The following ATP2B2 variants were observed in gnomAD, a reference collection of about 807,000 sequenced individuals.
ATP2B2 encodes ATPase plasma membrane Ca2+ transporting 2, also known as plasma membrane calcium-transporting ATPase 2.
Under a neutral mutation model 120.0 loss-of-function variants are expected in ATP2B2, and 15 were observed. The ratio of observed to expected loss-of-function variants is 0.12; its 90% CI spans 0.08 to 0.19. ATP2B2 has a LOEUF of 0.19. Among genes scored for constraint, ATP2B2 ranks in the 10% least tolerant of loss-of-function variants. The pLI, the probability that ATP2B2 is intolerant of heterozygous loss-of-function variation, is 1.00. For synonymous variants in ATP2B2, 694 were observed against 700.3 expected, an observed-to-expected ratio of 0.99 and a Z score of 0.14; for missense variants, 1,045 against 1,719.8, an observed-to-expected ratio of 0.61 and a Z score of 6.94.
At chr3:10,430,722 A>T (rs539447535) in intron 2 of ATP2B2, among the ~76,000 whole-genome samples, 2 of 151,700 alleles carry the variant, frequency 1.3e-5, no homozygotes, top group African/African-American at 4.8e-5. Context: ...CTACTTGGTT[A>T]GAACTTGGAG....
rs1397713889 is a variant in ATP2B2, at chr3:10,666,028, CT to C, written c.-460+41886del. On this transcript the variant is annotated intron_variant, in intron 1 of 21. Transcript: ENST00000646379. The stretch of plus-strand genomic sequence containing the variant: ...AGAGTCAGATACACTTAAGAACTTG[CT>C]TTTGGTTTTAAAAAGTCTGTGGCGC... Among the ~76,000 whole-genome samples the C allele has an allele frequency of 2.0e-5, 3 of 152,132 alleles. No individual in the cohort carries two copies. The East Asian group carries it at 5.8e-4, about 29-fold the overall frequency.
chr3:10,383,349 C>T (rs2061584576), intron 8 of ATP2B2, among the ~76,000 whole-genome samples: 1 of 152,170 alleles, frequency 6.6e-6, no homozygotes, highest in African/African-American at 2.4e-5. Context: ...GACTCTGTAA[C>T]TCTCCGCTAC....
intron 2 of ATP2B2, among the ~76,000 whole-genome samples, chr3:10,447,153 G>C (rs1290737598): frequency 6.6e-6 from 1 of 152,228 alleles, no homozygotes; most frequent in African/African-American, 2.4e-5. Context: ...AGCTGTCTGA[G>C]AGCTCCCCCA....
chr3:10,612,455 C>G (rs1294906157), intron 2 of ATP2B2, among the ~76,000 whole-genome samples: 1 of 152,112 alleles, frequency 6.6e-6, no homozygotes. Context: ...CTGCGTACTC[C>G]CTTGGTTCTC....
Position 10,400,957 on chromosome 3 carries a change from C to G in ATP2B2, c.777G>C (p.Leu259=), listed in dbSNP as rs773647476. 1 of 1,614,096 alleles carries G rather than the reference C, an allele frequency of 6.2e-7. No individual in the cohort carries two copies. Among genetic ancestry groups the G allele is most frequent in the African/African-American group, 1.3e-5 (1 of 75,044 alleles). ...RKSVDKDPML[L]SGTHVMEGSG... is the part of the protein sequence containing the mutation. ...CAACATCAGGCTGAAGCTCACCTGA[C>G]AGCAGCATGGGGTCCTTGTCCACGG... Residue 259 remains leucine, a synonymous_variant, in exon 5 of 23, where the codon CTG becomes CTC. Coordinates refer to ENST00000360273, the MANE Select transcript of ATP2B2 (RefSeq NM_001001331.4).
At chr3:10,379,190 C>A (rs1575065968) in intron 9 of ATP2B2, 53 bp downstream of exon 9, 2 of 1,583,478 alleles carry the variant, frequency 1.3e-6, no homozygotes, top group Admixed American at 1.7e-5. Flanking sequence ...CTGTCAGAGC[C>A]GGTGGGGAGG....
chr3:10,490,393 C>T (rs989419806), intron 1 of ATP2B2, among the ~76,000 whole-genome samples: 25 of 142,886 alleles, frequency 1.7e-4, no homozygotes, highest in African/African-American at 6.4e-4. Flanking sequence ...TGTCAGTCCA[C>T]GGCATTCTTT....
chr3:10,491,167 C>T (rs1303790883), intron 1 of ATP2B2, among the ~76,000 whole-genome samples: 1 of 151,656 alleles, frequency 6.6e-6, no homozygotes, highest in East Asian at 1.9e-4. Flanking sequence ...TGACTCCGGG[C>T]ATTCACCTGG....
intron 1 of ATP2B2, among the ~76,000 whole-genome samples, chr3:10,631,252 GA>G (rs1273412513): frequency 7.2e-5 from 11 of 152,300 alleles, no homozygotes; most frequent in African/African-American, 2.6e-4. Context: ...TAAATCAGAA[GA>G]AAAAACATTT....
At chr3:10,403,030 T>C (rs770941190) in intron 3 of ATP2B2, among the ~76,000 whole-genome samples, 4 of 152,186 alleles carry the variant, frequency 2.6e-5, no homozygotes, top group Non-Finnish European at 4.4e-5. Context: ...GGAGTCTCAT[T>C]ACATTGCCCA....
chr3:10,396,248 G>T (rs1416205625), intron 5 of ATP2B2, among the ~76,000 whole-genome samples: 2 of 152,232 alleles, frequency 1.3e-5, no homozygotes, highest in Non-Finnish European at 2.9e-5. Flanking sequence ...ACAGTCACAC[G>T]TGTGCATGCC....
At chr3:10,500,236 C>A (rs936991272) in intron 1 of ATP2B2, among the ~76,000 whole-genome samples, 2 of 151,060 alleles carry the variant, frequency 1.3e-5, no homozygotes, top group Non-Finnish European at 3.0e-5. Flanking sequence ...CTGCGCCTGG[C>A]CTGACTTGGG....
chr3:10,362,777 A>G (rs961504197), intron 12 of ATP2B2, among the ~76,000 whole-genome samples: 4 of 152,182 alleles, frequency 2.6e-5, no homozygotes, highest in African/African-American at 9.7e-5. Flanking sequence ...ACAGCTTCCC[A>G]TGTCTGAAGT....
chr3:10,587,743 G>GT (rs1305120966), intron 2 of ATP2B2, among the ~76,000 whole-genome samples: 1 of 108,058 alleles, frequency 9.3e-6, no homozygotes, highest in Non-Finnish European at 1.8e-5. Context: ...AGTGTTTCTG[G>GT]TTTTTTTGTT....
At chr3:10,685,706 T>C (rs2071503445) in intron 1 of ATP2B2, among the ~76,000 whole-genome samples, 1 of 152,216 alleles carries the variant, frequency 6.6e-6, no homozygotes, top group Non-Finnish European at 1.5e-5. Flanking sequence ...GGTCTAGTGG[T>C]GGGCATGTGT....
chr3:10,425,361 T>C (rs1264286941), intron 2 of ATP2B2, among the ~76,000 whole-genome samples: 1 of 152,088 alleles, frequency 6.6e-6, no homozygotes, highest in Non-Finnish European at 1.5e-5. Flanking sequence ...AATTCAGACT[T>C]TAAAGGGGAA....
rs1304116537 is a variant in ATP2B2 at position 10,343,027 on chromosome 3, C to T, written c.2704-62G>A. On this transcript the variant is annotated intron_variant, in intron 18 of 22. Coordinates refer to ENST00000360273, the MANE Select transcript of ATP2B2 (RefSeq NM_001001331.4). The surrounding 1 kb of genome is among the most constrained non-coding windows in gnomAD (Gnocchi z 4.2). ...CCACCTGCTGCTGTGAAGTGCTGGG[C>T]GGGCTCATGGTGTAGTGTCCGCAGG... The T allele has an allele frequency of 9.5e-5, 148 of 1,565,498 alleles. 1 individual carries two copies. The East Asian group carries it at 2.5e-3, about 27-fold the overall frequency.
intron 1 of ATP2B2, among the ~76,000 whole-genome samples, chr3:10,465,834 G>T (rs908683703): frequency 6.6e-6 from 1 of 152,204 alleles, no homozygotes; most frequent in Non-Finnish European, 1.5e-5. Flanking sequence ...GCAGGTGTGT[G>T]CATCTCTAGT....
intron 13 of ATP2B2, 32 bp downstream of exon 13, chr3:10,359,838 ACCAGGGCACAGC>A: frequency 1.2e-6 from 2 of 1,613,138 alleles, no homozygotes; most frequent in Non-Finnish European, 1.7e-6. Flanking sequence ...AGCTCCCTGC[ACCAGGGCACAGC>A]CCTCAGCCCC....
Sources: gnomAD v4.1 joint callset for allele counts (sites outside exome capture counted in the v4.1 genomes callset) on GRCh38, gnomAD v4.1.1 for gene constraint, Gnocchi (gnomAD v3.1) non-coding constraint, MANE v1.5 for transcripts, NCBI Gene and HGNC (gene_info 2026-07-23, HGNC 2026-07-21) for gene names.